The following CEP85L variants were observed in gnomAD, a reference collection of about 807,000 sequenced individuals.
CEP85L encodes centrosomal protein of 85 kDa-like.
In CEP85L, 60 loss-of-function variants were observed where a neutral mutation model predicts 100.3. The ratio of observed to expected loss-of-function variants is 0.60; its 90% CI spans 0.49 to 0.74. CEP85L has a LOEUF of 0.74. Among genes scored for constraint, CEP85L ranks in the 30% least tolerant of loss-of-function variants. CEP85L has a pLI of 0.00. For synonymous variants in CEP85L, 319 were observed against 322.7 expected, an observed-to-expected ratio of 0.99 and a Z score of 0.12; for missense variants, 973 against 936.2, an observed-to-expected ratio of 1.04 and a Z score of -0.51.
intron 1 of CEP85L, among the ~76,000 whole-genome samples, chr6:118,686,508 A>G (rs564887069): frequency 4.6e-5 from 7 of 152,246 alleles, no homozygotes; most frequent in Non-Finnish European, 1.0e-4. Context: ...TTCTCTTAGC[A>G]TGTTTTTGAT....
intron 8 of CEP85L, 96 bp downstream of exon 8, chr6:118,481,683 A>C: frequency 1.4e-6 from 1 of 720,600 alleles, no homozygotes; most frequent in South Asian, 2.5e-5. Flanking sequence ...CTTTAAATTA[A>C]GGAGAATAAA....
chr6:118,609,494 C>A (rs1206279224), intron 2 of CEP85L, among the ~76,000 whole-genome samples: 1 of 152,080 alleles, frequency 6.6e-6, no homozygotes, highest in Non-Finnish European at 1.5e-5. Flanking sequence ...TTTTTAAGTT[C>A]TTTTTCTCTT....
intron 3 of CEP85L, among the ~76,000 whole-genome samples, chr6:118,555,022 G>T (rs1198926065): frequency 1.3e-5 from 2 of 152,042 alleles, no homozygotes; most frequent in Non-Finnish European, 2.9e-5. Flanking sequence ...TAAAATTTCT[G>T]ACCTTTTAAG....
intron 2 of CEP85L, among the ~76,000 whole-genome samples, chr6:118,570,357 C>T (rs1779812821): frequency 6.6e-6 from 1 of 152,176 alleles, no homozygotes; most frequent in South Asian, 2.1e-4. Flanking sequence ...AATTGTCTCA[C>T]TTTCCATATC....
intron 1 of CEP85L, among the ~76,000 whole-genome samples, chr6:118,681,325 A>C (rs1402982883): frequency 6.6e-6 from 1 of 152,194 alleles, no homozygotes; most frequent in Non-Finnish European, 1.5e-5. Flanking sequence ...TCTGGCTCAT[A>C]TATAGAATCA....
In CEP85L at chr6:118,491,156, T is replaced by C. The variant is rs562025961; in HGVS notation, c.1437+530A>G. On this transcript the variant is annotated intron_variant, in intron 6 of 12. Coordinates refer to ENST00000368491, the MANE Select transcript of CEP85L (RefSeq NM_001042475.3). The stretch of plus-strand genomic sequence containing the variant: ...TTGTACTCGTTTACATTCTCACCAA[T>C]AGTGTAAAATCATTCCCTTCTATTT... Among the ~76,000 whole-genome samples, 172 of 149,830 alleles carry C rather than the reference T, an allele frequency of 1.1e-3. 1 individual carries two copies. Among genetic ancestry groups the C allele is most frequent in the Non-Finnish European group, 1.8e-3 (123 of 67,678 alleles).
At chr6:118,578,457 A>G (rs985275845) in intron 2 of CEP85L, among the ~76,000 whole-genome samples, 1 of 152,178 alleles carries the variant, frequency 6.6e-6, no homozygotes, top group Non-Finnish European at 1.5e-5. Flanking sequence ...TTTGGCCGGG[A>G]GCGGTGGCTC....
intron 2 of CEP85L, among the ~76,000 whole-genome samples, chr6:118,574,738 G>C (rs971163819): frequency 3.3e-5 from 5 of 151,800 alleles, no homozygotes; most frequent in Non-Finnish European, 7.4e-5. Flanking sequence ...AAAGCCAGGG[G>C]GCAGCAGGAG....
At chr6:118,470,410 A>G (rs1772860424) in intron 11 of CEP85L, 127 bp downstream of exon 11, 1 of 479,094 alleles carries the variant, frequency 2.1e-6, no homozygotes, top group East Asian at 3.4e-5. Flanking sequence ...GGTAAGAAAC[A>G]ATGGAATTAA....
intron 2 of CEP85L, among the ~76,000 whole-genome samples, chr6:118,623,325 G>T (rs1773574289): frequency 6.6e-6 from 1 of 152,154 alleles, no homozygotes; most frequent in Non-Finnish European, 1.5e-5. Context: ...AATACTTGTT[G>T]GTCTATGTTG....
At chr6:118,528,799 T>G (rs1777118981) in intron 3 of CEP85L, among the ~76,000 whole-genome samples, 1 of 152,176 alleles carries the variant, frequency 6.6e-6, no homozygotes, top group East Asian at 1.9e-4. Flanking sequence ...AGAATGGAAT[T>G]TGAAGTACCT....
At chr6:118,481,132 T>C (rs1349201633) in intron 8 of CEP85L, among the ~76,000 whole-genome samples, 1 of 152,084 alleles carries the variant, frequency 6.6e-6, no homozygotes, top group African/African-American at 2.4e-5. Flanking sequence ...ACCTTTTACT[T>C]GCAGTAAAGT....
At chr6:118,651,603 G>A (rs922345267), upstream of CEP85L, 9 of 1,057,040 alleles carry the variant, frequency 8.5e-6, no homozygotes, top group South Asian at 2.9e-4. Context: ...CGCCCCCTCC[G>A]CCGGCAGAGC....
chr6:118,640,848 G>C (rs370615924), intron 1 of CEP85L, among the ~76,000 whole-genome samples: 26 of 152,220 alleles, frequency 1.7e-4, no homozygotes, highest in African/African-American at 4.6e-4. Context: ...ATTTTTGAAA[G>C]TGCCAGACAT....
In CEP85L at chr6:118,674,561, G is replaced by A. The variant is rs532620897; in HGVS notation, c.-27-21753C>T. On this transcript the variant is annotated intron_variant, in intron 1 of 13. Coordinates refer to the CEP85L transcript ENST00000368488. ...AAGAGAGAAAACCAACAGAATGAGA[G>A]AAAATATTTGCAAATCAAATAACTG... 6.0e-5 allele frequency among the ~76,000 whole-genome samples: 9 copies of A among 150,966 alleles called. No homozygotes were observed. In the South Asian group the frequency reaches 1.9e-3, roughly 32 times the overall value.
intron 2 of CEP85L, among the ~76,000 whole-genome samples, chr6:118,620,523 C>T (rs1028918238): frequency 2.0e-5 from 3 of 152,174 alleles, no homozygotes; most frequent in African/African-American, 7.2e-5. Flanking sequence ...CCCTTGCCCA[C>T]GTCCAATATG....
At chr6:118,514,264 T>C (rs1320724745) in intron 4 of CEP85L, among the ~76,000 whole-genome samples, 5 of 152,010 alleles carry the variant, frequency 3.3e-5, no homozygotes, top group African/African-American at 1.2e-4. Flanking sequence ...GTGGCTCACA[T>C]CTGTAATCCT....
intron 1 of CEP85L, among the ~76,000 whole-genome samples, chr6:118,644,721 C>A (rs1053399267): frequency 6.6e-6 from 1 of 152,134 alleles, no homozygotes. Flanking sequence ...ATCAGTAAAT[C>A]CTTAAGATTT....
chr6:118,491,544 TC>T, intron 6 of CEP85L, 141 bp downstream of exon 6: 1 of 1,424,132 alleles, frequency 7.0e-7, no homozygotes, highest in East Asian at 2.6e-5. Context: ...AGAGGGCTTC[TC>T]AAAAGTTACT....
Sources: allele counts gnomAD v4.1 joint callset (sites outside exome capture counted in the v4.1 genomes callset), GRCh38; gene constraint gnomAD v4.1.1; transcripts MANE v1.5; gene names NCBI Gene and HGNC (gene_info 2026-07-23, HGNC 2026-07-21).